Variants in SLC8A1 observed in about 807,000 individuals in gnomAD.
The protein encoded by SLC8A1 is solute carrier family 8 member A1.
In SLC8A1, 18 loss-of-function variants were observed where a neutral mutation model predicts 68.3. The ratio of observed to expected loss-of-function variants is 0.26; its 90% confidence interval spans 0.18 to 0.39. SLC8A1 has a LOEUF of 0.39. Ranked by LOEUF, SLC8A1 falls within the 10% of genes least tolerant of loss-of-function variation. The pLI is 1.00. For missense variants in SLC8A1, 985 were observed against 1,156.7 expected, an observed-to-expected ratio of 0.85 and a Z score of 2.15; for synonymous variants, 475 against 415.5, an observed-to-expected ratio of 1.14 and a Z score of -1.74.
chr2:40,287,700 G>A (rs975107009), intron 2 of SLC8A1, among the ~76,000 whole-genome samples: 2 of 151,626 alleles, frequency 1.3e-5, no homozygotes, highest in African/African-American at 2.4e-5. Flanking sequence ...GTGAGGAACA[G>A]GGGAGGATGA....
At chr2:40,408,548 C>G (rs576169933) in intron 2 of SLC8A1, among the ~76,000 whole-genome samples, 47 of 152,254 alleles carry the variant, frequency 3.1e-4, no homozygotes, top group African/African-American at 9.9e-4. Flanking sequence ...CTGCTTGAAT[C>G]TGGGTGAAGG....
intron 2 of SLC8A1, chr2:40,250,335 C>T (rs757098618): frequency 5.9e-5 from 9 of 152,156 alleles, no homozygotes; most frequent in South Asian, 4.2e-4. Context: ...ATATGCATTA[C>T]GAAGAGATTA....
chr2:40,482,370 C>T (rs115004163), intron 1 of SLC8A1, among the ~76,000 whole-genome samples: 1 of 151,952 alleles, frequency 6.6e-6, no homozygotes, highest in African/African-American at 2.4e-5. Context: ...CAATATGGGG[C>T]CTACATTAAG....
chr2:40,227,145 A>C (rs1169876844), intron 2 of SLC8A1, among the ~76,000 whole-genome samples: 3 of 152,108 alleles, frequency 2.0e-5, no homozygotes, highest in Non-Finnish European at 4.4e-5. Context: ...TTTATATAAC[A>C]AGGAACTAAT....
upstream of SLC8A1, among the ~76,000 whole-genome samples, chr2:40,456,012 C>G (rs984724279): frequency 6.7e-6 from 1 of 149,490 alleles, no homozygotes; most frequent in Non-Finnish European, 1.5e-5. Context: ...ATTTGAGCAA[C>G]TGATATTAAA....
Position 40,346,279 on chromosome 2 carries a change from G to A in SLC8A1, c.1808+82194C>T, listed in dbSNP as rs534584281. ...GATGGCTGAGACTCCCCTTTCCTAAGCTTTTCTTGCCTTTGTAGAGTTGTA... is the reference window on the plus strand; with the variant it reads ...GATGGCTGAGACTCCCCTTTCCTAAACTTTTCTTGCCTTTGTAGAGTTGTA... On this transcript the variant is annotated intron_variant, in intron 2 of 7. Coordinates refer to ENST00000406785, the Ensembl canonical transcript of SLC8A1. 2.0e-5 allele frequency among the ~76,000 whole-genome samples: 3 copies of A among 152,190 alleles called. No individual in the cohort carries two copies. In the South Asian group the frequency reaches 6.2e-4, roughly 32 times the overall value.
At chr2:40,152,722 G>A (rs1369632902) in intron 6 of SLC8A1, among the ~76,000 whole-genome samples, 1 of 151,926 alleles carries the variant, frequency 6.6e-6, no homozygotes, top group Non-Finnish European at 1.5e-5. Flanking sequence ...GACCTCCTCT[G>A]CAGTTTTGAA....
intron 2 of SLC8A1, among the ~76,000 whole-genome samples, chr2:40,413,489 T>C (rs886248986): frequency 5.9e-5 from 9 of 152,202 alleles, no homozygotes; most frequent in African/African-American, 2.2e-4. Flanking sequence ...TGCTGATTTT[T>C]AAAATGATCT....
At chr2:40,256,052 A>G (rs1027828539) in intron 2 of SLC8A1, among the ~76,000 whole-genome samples, 1 of 152,210 alleles carries the variant, frequency 6.6e-6, no homozygotes, top group African/African-American at 2.4e-5. Context: ...GAACTCAGAA[A>G]TCTAACCGAA....
At chr2:40,419,492 C>G (rs1362342193) in intron 2 of SLC8A1, among the ~76,000 whole-genome samples, 1 of 152,016 alleles carries the variant, frequency 6.6e-6, no homozygotes, top group Non-Finnish European at 1.5e-5. Flanking sequence ...CTCCTTCTTT[C>G]TCTGCCTACC....
intron 2 of SLC8A1, among the ~76,000 whole-genome samples, chr2:40,181,559 C>G (rs1241401060): frequency 6.6e-6 from 1 of 152,162 alleles, no homozygotes; most frequent in Non-Finnish European, 1.5e-5. Context: ...ATGCTCCTGA[C>G]AGGAAGAGCC....
intron 7 of SLC8A1, among the ~76,000 whole-genome samples, chr2:40,127,913 A>G (rs563968991): frequency 2.0e-5 from 3 of 152,342 alleles, no homozygotes; most frequent in African/African-American, 7.2e-5. Flanking sequence ...TACGGGCACT[A>G]ACGGAGTTAG....
At chr2:40,335,398 GCA>G (rs1350144054) in intron 2 of SLC8A1, among the ~76,000 whole-genome samples, 22 of 152,134 alleles carry the variant, frequency 1.4e-4, no homozygotes, top group Admixed American at 1.4e-3. Flanking sequence ...CATCTGGAAA[GCA>G]CACTCCCTGT....
intron 2 of SLC8A1, among the ~76,000 whole-genome samples, chr2:40,361,888 T>C (rs13021267): frequency 3.1e-4 from 8 of 26,086 alleles, no homozygotes; most frequent in East Asian, 1.3e-3. Flanking sequence ...TTTTCTTTCC[T>C]TTTTTTTTTT....
At chr2:40,193,305 T>G (rs1287920594) in intron 2 of SLC8A1, among the ~76,000 whole-genome samples, 1 of 152,128 alleles carries the variant, frequency 6.6e-6, no homozygotes, top group Non-Finnish European at 1.5e-5. Context: ...CATTCAGCCA[T>G]TCCACAAACC....
chr2:40,410,973 T>A (rs1175737561), intron 2 of SLC8A1, among the ~76,000 whole-genome samples: 2 of 152,076 alleles, frequency 1.3e-5, no homozygotes, highest in Non-Finnish European at 2.9e-5. Context: ...GCCCTTTCTA[T>A]AGTACTGCAA....
At chr2:40,288,557 C>A (rs189199555) in intron 2 of SLC8A1, among the ~76,000 whole-genome samples, 9 of 152,112 alleles carry the variant, frequency 5.9e-5, no homozygotes, top group African/African-American at 1.4e-4. Flanking sequence ...GGGAGAATAA[C>A]CCCTGTGTTG....
At chr2:40,357,232 C>T (rs978297315) in intron 2 of SLC8A1, among the ~76,000 whole-genome samples, 4 of 152,118 alleles carry the variant, frequency 2.6e-5, no homozygotes, top group Non-Finnish European at 5.9e-5. Flanking sequence ...TGGCTCGTAC[C>T]TCTAATCTCA....
chr2:40,414,270 G>A (rs17466980), intron 2 of SLC8A1, among the ~76,000 whole-genome samples: 24,215 of 152,090 alleles, frequency 0.16, 2,041 homozygotes, highest in Middle Eastern at 0.23. Flanking sequence ...TGAGATTCTG[G>A]CCACAAAGAC....
Sources: gnomAD v4.1 joint callset for allele counts (sites outside exome capture counted in the v4.1 genomes callset) on GRCh38, gnomAD v4.1.1 for gene constraint, MANE v1.5 for transcripts, NCBI Gene and HGNC (gene_info 2026-07-23, HGNC 2026-07-21) for gene names.